RPH3A: variants seen among roughly 807,000 people sequenced by gnomAD.
The protein encoded by RPH3A is rabphilin-3A.
A neutral mutation model predicts 102.2 loss-of-function variants in RPH3A; 48 were observed. The ratio of observed to expected loss-of-function variants is 0.47; its 90% confidence interval spans 0.37 to 0.60. RPH3A has a LOEUF of 0.60. Among genes scored for constraint, RPH3A ranks in the 20% least tolerant of loss-of-function variants. The pLI is 0.00. For missense variants in RPH3A, 781 were observed against 910.1 expected (o/e 0.86, Z 1.83); for synonymous variants, 310 against 324.3 (o/e 0.96, Z 0.47).
At chr12:112,736,098 A>G (rs936230236) in intron 1 of RPH3A, among the ~76,000 whole-genome samples, 1 of 151,926 alleles carries the variant, frequency 6.6e-6, no homozygotes, top group African/African-American at 2.4e-5. Flanking sequence ...CTTGACTTTG[A>G]CTCATTTACA....
rs1361764453 is a variant in RPH3A at position 112,887,881 on chromosome 12, C to T, written c.1521C>T (p.Asn507=). The T allele has an allele frequency of 6.2e-7, 1 of 1,613,896 alleles. No individual in the cohort carries two copies. Among genetic ancestry groups the T allele is most frequent in the Non-Finnish European group, 8.5e-7 (1 of 1,179,852 alleles). ...TCTCCCTCAAGAAACTGAAGCCCAACCAGAGGAAGAATTTCAACATCTGCC... is the reference window on the plus strand; with the variant it reads ...TCTCCCTCAAGAAACTGAAGCCCAATCAGAGGAAGAATTTCAACATCTGCC... The part of the protein sequence containing the change: ...TRFSLKKLKP[N]QRKNFNICLE... The change falls in exon 17 of 22, where the codon AAC becomes AAT. Residue 507 remains asparagine (N), a synonymous_variant. Coordinates refer to ENST00000389385, the MANE Select transcript of RPH3A (RefSeq NM_001143854.2).
intron 1 of RPH3A, among the ~76,000 whole-genome samples, chr12:112,658,554 G>A (rs2040029068): frequency 6.6e-6 from 1 of 152,174 alleles, no homozygotes; most frequent in African/African-American, 2.4e-5. Flanking sequence ...ACAAAGGCAG[G>A]GAGACCCATT....
chr12:112,725,467 G>T (rs964732003), intron 1 of RPH3A, among the ~76,000 whole-genome samples: 3 of 152,134 alleles, frequency 2.0e-5, no homozygotes, highest in African/African-American at 7.2e-5. Context: ...CTGAGCCATT[G>T]TTGGTTGAGA....
At chr12:112,725,260 A>AC (rs2040579448) in intron 1 of RPH3A, among the ~76,000 whole-genome samples, 1 of 149,792 alleles carries the variant, frequency 6.7e-6, no homozygotes, top group Non-Finnish European at 1.5e-5. Flanking sequence ...GAAAAAAAAA[A>AC]AAAAAAAAAA....
chr12:112,865,649 C>A, intron 6 of RPH3A, 106 bp downstream of exon 6: 1 of 1,245,452 alleles, frequency 8.0e-7, no homozygotes, highest in Non-Finnish European at 1.1e-6. Flanking sequence ...GAGCTTGGAT[C>A]CTGAAGATCA....
chr12:112,722,238 G>A lies in RPH3A; in HGVS notation c.-139-69905G>A, dbSNP rs112075641. Among the ~76,000 whole-genome samples, 1,224 of 152,288 alleles carry A rather than the reference G, an allele frequency of 8.0e-3. 21 individuals are homozygous for A. The highest frequency in any genetic ancestry group is 0.028 in the African/African-American group (1,156 of 41,564). On this transcript the variant is annotated intron_variant, in intron 1 of 21. Transcript: ENST00000543106. ...AGAGATCACATGAGAATTGGTTATT[G>A]GAATTGTTTCCTTTGGGAAAGAATG...
chr12:112,702,272 C>T (rs1374698845), intron 1 of RPH3A, among the ~76,000 whole-genome samples: 1 of 152,238 alleles, frequency 6.6e-6, no homozygotes, highest in Non-Finnish European at 1.5e-5. Flanking sequence ...TTTGCCCATA[C>T]TTCCCCTTCT....
At chr12:112,657,749 C>A (rs529586131) in intron 1 of RPH3A, among the ~76,000 whole-genome samples, 1 of 152,122 alleles carries the variant, frequency 6.6e-6, no homozygotes, top group African/African-American at 2.4e-5. Context: ...AATACAGAGG[C>A]TTTAGAAAGT....
At position 112,894,603 on chromosome 12, in the gene RPH3A, A is replaced by T; in HGVS notation, c.1801A>T (p.Lys601Ter). 1 of 1,614,028 alleles carries T rather than the reference A, an allele frequency of 6.2e-7. No homozygotes were observed. The highest frequency in any genetic ancestry group is 8.5e-7 in the Non-Finnish European group (1 of 1,179,984). Reference sequence around the variant, plus strand: ...CTGGCTGAAACCGGACATGGGAAAGAAGGCCAAACACAAGACTCAAATTAA... The same window carrying T: ...CTGGCTGAAACCGGACATGGGAAAGTAGGCCAAACACAAGACTCAAATTAA... ...KLWLKPDMGK[K>*]AKHKTQIKKK... The change falls in exon 20 of 22, where the codon AAG becomes TAG. Residue 601 changes from lysine (K) to a stop codon, truncating the protein, a stop_gained. Transcript: ENST00000389385. LOFTEE classifies it high-confidence loss of function.
intron 1 of RPH3A, among the ~76,000 whole-genome samples, chr12:112,735,739 T>C (rs1465076134): frequency 6.6e-6 from 1 of 152,164 alleles, no homozygotes; most frequent in Non-Finnish European, 1.5e-5. Context: ...GTCCTGACCT[T>C]GGTCTTCCCC....
chr12:112,712,588 C>T (rs1461140564), intron 1 of RPH3A, among the ~76,000 whole-genome samples: 1 of 152,154 alleles, frequency 6.6e-6, no homozygotes, highest in African/African-American at 2.4e-5. Context: ...TGTCCCCAAT[C>T]ACATGTCCCT....
chr12:112,628,433 G>A (rs2039780979), intron 1 of RPH3A, among the ~76,000 whole-genome samples: 1 of 151,504 alleles, frequency 6.6e-6, no homozygotes, highest in African/African-American at 2.4e-5. Context: ...TGGGACTTTG[G>A]TTGTCCCTCT....
At chr12:112,784,971 C>T (rs1335498469) in intron 1 of RPH3A, among the ~76,000 whole-genome samples, 1 of 152,318 alleles carries the variant, frequency 6.6e-6, no homozygotes, top group South Asian at 2.1e-4. Flanking sequence ...GCCTATAATC[C>T]CAGCACTTTG....
chr12:112,891,898 A>G (rs1446179683), intron 19 of RPH3A, among the ~76,000 whole-genome samples: 1 of 152,220 alleles, frequency 6.6e-6, no homozygotes, highest in Non-Finnish European at 1.5e-5. Flanking sequence ...CCGCTGTGTC[A>G]GACATCAGGC....
chr12:112,721,633 A>G (rs1341887079), intron 1 of RPH3A, among the ~76,000 whole-genome samples: 4 of 145,712 alleles, frequency 2.7e-5, no homozygotes, highest in African/African-American at 1.0e-4. Flanking sequence ...TAAGATTAGA[A>G]AATGGATTTT....
chr12:112,838,462 T>C (rs1450731166), intron 4 of RPH3A, among the ~76,000 whole-genome samples: 1 of 152,252 alleles, frequency 6.6e-6, no homozygotes, highest in East Asian at 1.9e-4. Context: ...CAAAAGGTTC[T>C]GTGGTGTGGC....
chr12:112,879,509 T>C (rs1454410421), intron 14 of RPH3A, among the ~76,000 whole-genome samples: 2 of 152,198 alleles, frequency 1.3e-5, no homozygotes, highest in Non-Finnish European at 2.9e-5. Context: ...GTGGAGGTTC[T>C]GCCCAGGAGG....
chr12:112,832,445 A>C (rs1443048861), intron 3 of RPH3A, among the ~76,000 whole-genome samples: 1 of 152,200 alleles, frequency 6.6e-6, no homozygotes. Flanking sequence ...ATTATACCTG[A>C]ATCAGTGGCA....
intron 14 of RPH3A, among the ~76,000 whole-genome samples, chr12:112,880,547 T>A (rs2042891190): frequency 6.6e-6 from 1 of 152,126 alleles, no homozygotes; most frequent in South Asian, 2.1e-4. Flanking sequence ...TTTAATCCTC[T>A]AAGAGCCCCA....
Sources: gnomAD v4.1 joint callset for allele counts (sites outside exome capture counted in the v4.1 genomes callset) on GRCh38, gnomAD v4.1.1 for gene constraint, MANE v1.5 for transcripts, NCBI Gene and HGNC (gene_info 2026-07-23, HGNC 2026-07-21) for gene names.